RUFY2: variants seen among roughly 807,000 people sequenced by gnomAD.
The protein encoded by RUFY2 is RUN and FYVE domain-containing protein 2.
In RUFY2, 49 loss-of-function variants were observed where a neutral mutation model predicts 94.4. The observed-to-expected ratio is 0.52, with a 90% CI of 0.41 to 0.66. The LOEUF (loss-of-function observed/expected upper bound fraction) is 0.66, where lower values mean the gene tolerates loss of function less well. Ranked by LOEUF, RUFY2 falls within the 30% of genes least tolerant of loss-of-function variation. The pLI is 0.00. For missense variants in RUFY2, 541 were observed against 692.8 expected (o/e 0.78, Z 2.46); for synonymous variants, 255 against 235.7 (o/e 1.08, Z -0.75).
At chr10:68,365,434 T>C (rs2047735675) in intron 13 of RUFY2, among the ~76,000 whole-genome samples, 1 of 152,168 alleles carries the variant, frequency 6.6e-6, no homozygotes, top group Non-Finnish European at 1.5e-5. Flanking sequence ...ACTGGCATTA[T>C]CTACATTGTC....
intron 12 of RUFY2, chr10:68,378,195 G>A: frequency 1.0e-6 from 1 of 992,038 alleles, no homozygotes; most frequent in African/African-American, 1.8e-5. Flanking sequence ...CAAAGAGTGG[G>A]CCAATGAGAA....
At chr10:68,402,216 C>T (rs2050902579) in intron 2 of RUFY2, among the ~76,000 whole-genome samples, 1 of 151,916 alleles carries the variant, frequency 6.6e-6, no homozygotes, top group South Asian at 2.1e-4. Flanking sequence ...ATCTTGGCCT[C>T]CCAAAGTGCT....
chr10:68,401,834 C>T (rs1410680401), intron 2 of RUFY2, 97 bp from the exon 3 acceptor site: 1 of 740,676 alleles, frequency 1.4e-6, no homozygotes, highest in Non-Finnish European at 2.3e-6. Flanking sequence ...ACTTAACATA[C>T]AATTATTCAG....
At chr10:68,373,257 C>T (rs1247820221) in intron 13 of RUFY2, among the ~76,000 whole-genome samples, 1 of 152,096 alleles carries the variant, frequency 6.6e-6, no homozygotes, top group Non-Finnish European at 1.5e-5. Context: ...CCAAGAGATG[C>T]ATTCAAAATT....
intron 7 of RUFY2, among the ~76,000 whole-genome samples, chr10:68,388,693 G>A (rs1218815350): frequency 6.6e-6 from 1 of 151,826 alleles, no homozygotes; most frequent in Non-Finnish European, 1.5e-5. Context: ...AAAATTAGCT[G>A]GGTGTCGTGG....
At position 68,367,945 on chromosome 10, in the gene RUFY2, A is replaced by G. The variant is rs1178048460; in HGVS notation, c.1326-3832T>C. On this transcript the variant is annotated intron_variant, in intron 13 of 17. Transcript: ENST00000602465. ...GGATTTCAATTTCACAGTTTTCACAATGTAGAAATAATGTGGGTTGTCTTT... is the reference window on the plus strand; with the variant it reads ...GGATTTCAATTTCACAGTTTTCACAGTGTAGAAATAATGTGGGTTGTCTTT... Among the ~76,000 whole-genome samples the G allele has an allele frequency of 4.0e-5, 6 of 150,874 alleles. 1 individual carries two copies. Among genetic ancestry groups the G allele is most frequent in the Admixed American group, 4.0e-4 (6 of 15,088 alleles).
rs756458423 is a variant in RUFY2 at position 68,363,585 on chromosome 10, A to C, written c.1550+5T>G. On this transcript the variant is annotated splice_donor_5th_base_variant and intron_variant, in intron 15 of 17. Coordinates refer to ENST00000602465, the MANE Select transcript of RUFY2 (RefSeq NM_001330103.2). ...ACTACTTAGTTGAAGGAAAAAAGAA[A>C]TTACTCGCTAAGCTTGTTGCCGAGT... The C allele has an allele frequency of 4.4e-5, 70 of 1,576,244 alleles. No homozygotes were observed. In the Admixed American group the frequency reaches 1.3e-3, roughly 30 times the overall value.
At chr10:68,394,873 CG>C (rs1339629448) in intron 4 of RUFY2, among the ~76,000 whole-genome samples, 8 of 151,820 alleles carry the variant, frequency 5.3e-5, no homozygotes, top group Non-Finnish European at 1.0e-4. Flanking sequence ...TCATGGTCCG[CG>C]GGCCTCAGCA....
At chr10:68,388,347 C>G (rs1354054718) in intron 7 of RUFY2, among the ~76,000 whole-genome samples, 2 of 151,912 alleles carry the variant, frequency 1.3e-5, no homozygotes, top group Admixed American at 6.6e-5. Context: ...TCTGTAATCC[C>G]AGCTACTCGG....
rs764330457 is a variant in RUFY2, at chr10:68,345,808, T to C, written c.1781A>G (p.His594Arg). The C allele has an allele frequency of 1.9e-6, 3 of 1,613,892 alleles. No homozygotes were observed. The highest frequency in any genetic ancestry group is 2.5e-6 in the Non-Finnish European group (3 of 1,179,888). Reference sequence around the variant, plus strand: ...TGAGCATCTCTGAATGAGCAGTGCATGACAGGAATCACAAACCCGTACTGG... The same window carrying C: ...TGAGCATCTCTGAATGAGCAGTGCACGACAGGAATCACAAACCCGTACTGG... ...PKPVRVCDSC[H>R]ALLIQRCSSN... is the part of the protein sequence containing the mutation. Residue 594 changes from histidine to arginine, a missense_variant, in exon 18 of 18, where the codon CAT becomes CGT. Around this residue, in one of 3 missense-constraint regions of RUFY2, gnomAD observed 403 missense variants for 480.7 expected, o/e 0.84. Transcript: ENST00000602465.
intron 13 of RUFY2, among the ~76,000 whole-genome samples, chr10:68,371,069 T>C (rs746962118): frequency 1.7e-4 from 26 of 149,872 alleles, no homozygotes; most frequent in Non-Finnish European, 3.0e-4. Context: ...GAGGCGGAGC[T>C]TGCAGTGAGC....
At chr10:68,398,385 C>G (rs181679222) in intron 3 of RUFY2, among the ~76,000 whole-genome samples, 228 of 152,258 alleles carry the variant, frequency 1.5e-3, no homozygotes, top group Non-Finnish European at 3.0e-3. Flanking sequence ...GGCGTGGTGG[C>G]TCACGCCTGT....
At chr10:68,363,775 T>C in intron 14 of RUFY2, 91 bp from the exon 15 acceptor site, 3 of 914,534 alleles carry the variant, frequency 3.3e-6, no homozygotes, top group Admixed American at 6.0e-5. Context: ...GAAACAAACA[T>C]CCTTTAGCTT....
chr10:68,352,919 CAA>C (rs964749208), intron 16 of RUFY2, among the ~76,000 whole-genome samples: 1 of 140,232 alleles, frequency 7.1e-6, no homozygotes. Flanking sequence ...GACTCCATCT[CAA>C]AAAAAAAAGA....
In RUFY2 at chr10:68,372,693, C is replaced by T. The variant is rs563481025; in HGVS notation, c.1325+4160G>A. Among the ~76,000 whole-genome samples, 12 of 151,530 alleles carry T rather than the reference C, an allele frequency of 7.9e-5. 1 individual carries two copies. The South Asian group carries it at 1.9e-3, about 24-fold the overall frequency. ...TCGCTTGAGCCCAGGAGTTCGAGATCGTTCTGGGCAACATGAAGAAACCCC... is the reference window on the plus strand; with the variant it reads ...TCGCTTGAGCCCAGGAGTTCGAGATTGTTCTGGGCAACATGAAGAAACCCC... On this transcript the variant is annotated intron_variant, in intron 13 of 17. Transcript: ENST00000602465.
At chr10:68,358,206 A>C (rs892441872) in intron 15 of RUFY2, among the ~76,000 whole-genome samples, 9 of 152,076 alleles carry the variant, frequency 5.9e-5, no homozygotes, top group African/African-American at 2.2e-4. Context: ...CAAACAAACA[A>C]ACAAACAACA....
At chr10:68,355,502 T>A (rs1210399139) in intron 15 of RUFY2, 101 bp from the exon 16 acceptor site, 7 of 675,954 alleles carry the variant, frequency 1.0e-5, no homozygotes, top group African/African-American at 3.7e-5. Context: ...TATAAAATTA[T>A]GTATAGTATA....
Position 68,347,132 on chromosome 10 carries a change from AAG to A in RUFY2, c.1600-1050_1600-1049del, listed in dbSNP as rs1491384200. ...AAGAGTGAGACCCTGTCTCAAGAAA[AAG>A]AGGGGAAAAAAAAAGGACCTCACTT... On this transcript the variant is annotated intron_variant, in intron 16 of 17. Transcript: ENST00000602465. Among the ~76,000 whole-genome samples, 6 of 152,018 alleles carry A rather than the reference AAG, an allele frequency of 3.9e-5. No homozygotes were observed. The East Asian group carries it at 5.8e-4, about 15-fold the overall frequency.
At chr10:68,392,120 C>T (rs1391720301) in intron 7 of RUFY2, among the ~76,000 whole-genome samples, 1 of 151,842 alleles carries the variant, frequency 6.6e-6, no homozygotes, top group African/African-American at 2.4e-5. Flanking sequence ...CAACCTCCAC[C>T]TCCTGGGTTC....
Sources: allele counts gnomAD v4.1 joint callset (sites outside exome capture counted in the v4.1 genomes callset), GRCh38; gene constraint gnomAD v4.1.1; regional missense constraint gnomAD v4.1.1; transcripts MANE v1.5; gene names NCBI Gene and HGNC (gene_info 2026-07-23, HGNC 2026-07-21).